Variants in DNAH10 observed in about 807,000 individuals in gnomAD.
The protein encoded by DNAH10 is axonemal beta dynein heavy chain 10.
A neutral mutation model predicts 506.6 loss-of-function variants in DNAH10; 348 were observed. The observed-to-expected ratio is 0.69, with a 90% CI of 0.63 to 0.75. The LOEUF (loss-of-function observed/expected upper bound fraction) is 0.75, where lower values mean the gene tolerates loss of function less well. DNAH10 is among the 30% of genes least tolerant of loss of function. DNAH10 has a pLI of 0.00. For missense variants in DNAH10, 5,179 were observed against 5,787.1 expected (o/e 0.89, Z 3.41); for synonymous variants, 2,059 against 2,198.6 (o/e 0.94, Z 1.78).
At chr12:123,906,663 C>A (rs1953796548) in intron 57 of DNAH10, among the ~76,000 whole-genome samples, 1 of 152,086 alleles carries the variant, frequency 6.6e-6, no homozygotes, top group African/African-American at 2.4e-5. Context: ...ATATTTAAAT[C>A]TTTTATCTAT....
intron 57 of DNAH10, among the ~76,000 whole-genome samples, chr12:123,906,324 C>T (rs796325400): frequency 6.6e-6 from 1 of 152,036 alleles, no homozygotes; most frequent in African/African-American, 2.4e-5. Context: ...TCACTGCAAC[C>T]CCTGCCTTCC....
At position 123,867,563 on chromosome 12, in the gene DNAH10, A is replaced by G. The variant is rs1278004945; in HGVS notation, c.7264A>G (p.Lys2422Glu). Reference protein sequence around the residue: ...EGIVDGRQAEKLKTIVPQTDL... With the variant: ...EGIVDGRQAEELKTIVPQTDL... ...AATTGTGGATGGAAGACAAGCAGAA[A>G]AGCTGAAGACAATAGTTCCTCAGAC... The change falls in exon 42 of 79, where the codon AAG (lysine) becomes GAG (glutamate). Residue 2422 changes from lysine to glutamate, a missense_variant. Physicochemically the swap from Lys to Glu is moderately conservative, Grantham distance 56 (BLOSUM62 1). This residue lies in a region of DNAH10 where 4,844 missense variants were observed against 5,430.5 expected (regional missense o/e 0.89). Transcript: ENST00000673944. 3 of 1,614,012 alleles carry G rather than the reference A, an allele frequency of 1.9e-6. No homozygotes were observed. Among genetic ancestry groups the G allele is most frequent in the Non-Finnish European group, 1.7e-6 (2 of 1,179,900 alleles).
In DNAH10 at chr12:123,843,342, A is replaced by G. The variant is rs573091805; in HGVS notation, c.5360+1797A>G. On this transcript the variant is annotated intron_variant, in intron 30 of 78. Coordinates refer to ENST00000673944, the MANE Select transcript of DNAH10 (RefSeq NM_001372106.1). ...TGGTCATTTAATCTTCTCTGATCCT[A>G]TGGCCTCAGCTGCCACCTCTCCGTT... Among the ~76,000 whole-genome samples, 13 of 152,146 alleles carry G rather than the reference A, an allele frequency of 8.5e-5. No homozygotes were observed. In the South Asian group the frequency reaches 1.5e-3, roughly 17 times the overall value.
Position 123,893,402 on chromosome 12 carries a change from G to T in DNAH10, c.9165G>T (p.Gly3055=), listed in dbSNP as rs1457322519. The part of the protein sequence containing the change: ...LHIVLGMSPV[G]DTLRTWCRNF... ...TTGTCCTGGGCATGTCGCCAGTGGG[G>T]GACACCCTGAGGACCTGGTGCAGAA... is the stretch of plus-strand genomic sequence containing the variant. Residue 3055 remains glycine (G), a synonymous_variant, in exon 53 of 79, where the codon GGG becomes GGT. Coordinates refer to ENST00000673944, the MANE Select transcript of DNAH10 (RefSeq NM_001372106.1). 3 of 1,613,090 alleles carry T rather than the reference G, an allele frequency of 1.9e-6. No individual in the cohort carries two copies. The highest frequency in any genetic ancestry group is 2.7e-5 in the African/African-American group (2 of 74,898).
At chr12:123,891,578 C>A (rs147136562) in intron 52 of DNAH10, among the ~76,000 whole-genome samples, 1 of 151,992 alleles carries the variant, frequency 6.6e-6, no homozygotes, top group Non-Finnish European at 1.5e-5. Context: ...GCAGGCGGAG[C>A]ACGGGGAGCG....
rs1594406366 is a variant in DNAH10 at position 123,928,330 on chromosome 12, A to G, written c.12106-57A>G. 6.5e-7 allele frequency: 1 copy of G among 1,534,696 alleles called. No homozygotes were observed. Among genetic ancestry groups the G allele is most frequent in the Admixed American group, 2.0e-5 (1 of 50,512 alleles). ...GTGGGTGTGGAGTGGGTCTCTGGAG[A>G]GCACGGGGTTGGGTTTGGATGCCAA... On this transcript the variant is annotated intron_variant, in intron 69 of 78. Coordinates refer to ENST00000673944, the MANE Select transcript of DNAH10 (RefSeq NM_001372106.1). This position sits in a 1 kb window ranked among gnomAD's most constrained non-coding sequence, Gnocchi z 4.9.
At chr12:123,838,408 G>A (rs771408170) in intron 28 of DNAH10, 48 bp from the exon 29 acceptor site, 14 of 1,536,878 alleles carry the variant, frequency 9.1e-6, no homozygotes, top group South Asian at 4.7e-5. Flanking sequence ...CAGTGTCTCC[G>A]CTCTCCCTGC....
intron 30 of DNAH10, among the ~76,000 whole-genome samples, chr12:123,842,118 T>A (rs925229812): frequency 2.0e-5 from 3 of 152,210 alleles, no homozygotes; most frequent in African/African-American, 7.2e-5. Context: ...TGCTGATTCT[T>A]GGGTCTTACC....
rs1352407178 is a variant in DNAH10 at position 123,894,624 on chromosome 12, ATC to A, written c.9200-13_9200-12del. 3.7e-6 allele frequency: 6 copies of A among 1,611,116 alleles called. No homozygotes were observed. Among genetic ancestry groups the A allele is most frequent in the Non-Finnish European group, 5.1e-6 (6 of 1,177,600 alleles). On this transcript the variant is annotated splice_polypyrimidine_tract_variant and intron_variant, in intron 53 of 78. Coordinates refer to ENST00000673944, the MANE Select transcript of DNAH10 (RefSeq NM_001372106.1). ...TGCCCAGGCTGGGAGCATCTTTTTA[ATC>A]TCTCTTTCCTTTCAAGGTATGGTAA...
rs952993665 is a variant in DNAH10 at position 123,787,739 on chromosome 12, C to G, written c.1422-65C>G. On this transcript the variant is annotated intron_variant, in intron 9 of 78. Coordinates refer to ENST00000673944, the MANE Select transcript of DNAH10 (RefSeq NM_001372106.1). The surrounding 1 kb of genome is among the most constrained non-coding windows in gnomAD (Gnocchi z 4.6). ...CTTCACGGGACACTGGCTCCCCAGC[C>G]GGGGAGTGCGGCTCGGACCCGGAGC... 1.9e-6 allele frequency: 3 copies of G among 1,554,138 alleles called. No homozygotes were observed. The highest frequency in any genetic ancestry group is 2.6e-6 in the Non-Finnish European group (3 of 1,143,452).
At chr12:123,927,033 C>CTT in intron 69 of DNAH10, 1 of 592,442 alleles carries the variant, frequency 1.7e-6, no homozygotes, top group Non-Finnish European at 2.8e-6. Context: ...GTGCTGTTTT[C>CTT]TTTTTTTTTC....
chr12:123,860,979 C>A (rs1443994203), intron 38 of DNAH10, 33 bp from the exon 39 acceptor site: 1 of 1,613,658 alleles, frequency 6.2e-7, no homozygotes, highest in Non-Finnish European at 8.5e-7. Flanking sequence ...ATTTAGTTGT[C>A]TTGAACCATG....
intron 21 of DNAH10, 61 bp downstream of exon 21, chr12:123,813,973 T>C (rs1959047222): frequency 6.9e-7 from 1 of 1,455,956 alleles, no homozygotes; most frequent in South Asian, 1.5e-5. Flanking sequence ...ACGACCCTTT[T>C]CAGAAATGCT....
chr12:123,838,374 G>A, intron 28 of DNAH10, 82 bp from the exon 29 acceptor site: 2 of 1,270,548 alleles, frequency 1.6e-6, no homozygotes. Flanking sequence ...GGGCTCTGGT[G>A]AGTGCCTGTT....
chr12:123,773,301 G>A (rs1476993452), intron 4 of DNAH10, among the ~76,000 whole-genome samples: 1 of 152,236 alleles, frequency 6.6e-6, no homozygotes, highest in Non-Finnish European at 1.5e-5. Context: ...GTTTACCATG[G>A]TGATTGATTT....
Position 123,875,599 on chromosome 12 carries a change from A to G in DNAH10, c.8199+108A>G. 4.6e-6 allele frequency: 6 copies of G among 1,306,624 alleles called. No individual in the cohort carries two copies. In the South Asian group the frequency reaches 8.3e-5, roughly 18 times the overall value. 80.9% of individuals were successfully genotyped at this position (1,306,624 alleles called of 1,614,324 possible). On this transcript the variant is annotated intron_variant, in intron 47 of 78. Transcript: ENST00000673944. ...GCACAGCAGGGTTAGGGCCCTCAAT[A>G]CTTTTAAGGGCCTATGAAAATGTTT...
In DNAH10 at chr12:123,801,342, G is replaced by A. The variant is rs771482050; in HGVS notation, c.2524G>A (p.Asp842Asn). Residue 842 changes from aspartate to asparagine, a missense_variant, in exon 16 of 79, where the codon GAT becomes AAT. By Grantham distance (23) the Asp-to-Asn change is conservative. Coordinates refer to ENST00000673944, the MANE Select transcript of DNAH10 (RefSeq NM_001372106.1). Reference protein sequence around the residue: ...HYHMLIGTLNDAESVLLKDHS... With the variant: ...HYHMLIGTLNNAESVLLKDHS... ...TCACATGCTCATAGGAACGTTAAAC[G>A]ATGCGGAGTCTGTGCTTCTCAAAGA... The A allele has an allele frequency of 1.4e-5, 23 of 1,614,076 alleles. No homozygotes were observed. In the Admixed American group the frequency reaches 2.0e-4, roughly 14 times the overall value.
chr12:123,932,142 T>C, intron 76 of DNAH10, 34 bp downstream of exon 76: 1 of 1,611,764 alleles, frequency 6.2e-7, no homozygotes, highest in South Asian at 1.1e-5. Context: ...TCTCTGCCGA[T>C]TCAGGTGTCA....
chr12:123,841,752 A>G (rs1950783484), intron 30 of DNAH10, among the ~76,000 whole-genome samples: 1 of 152,110 alleles, frequency 6.6e-6, no homozygotes, highest in Admixed American at 6.5e-5. Context: ...ACAGTGGTAC[A>G]ATGGCTCACT....
Sources: allele counts gnomAD v4.1 joint callset (sites outside exome capture counted in the v4.1 genomes callset), GRCh38; gene constraint gnomAD v4.1.1; regional missense constraint gnomAD v4.1.1; non-coding constraint Gnocchi (gnomAD v3.1); transcripts MANE v1.5; gene names NCBI Gene and HGNC (gene_info 2026-07-23, HGNC 2026-07-21).